Variants in NR3C1 observed in about 807,000 individuals in gnomAD.
NR3C1 encodes nuclear receptor subfamily 3 group C member 1, also known as glucocorticoid receptor.
NR3C1 carries 14 observed loss-of-function variants against 74.0 expected under a neutral mutation model. That is an observed-to-expected ratio of 0.19 (90% CI 0.12 to 0.30). The LOEUF is 0.30. Ranked by LOEUF, NR3C1 falls within the 10% of genes least tolerant of loss-of-function variation. The pLI is 1.00. For synonymous variants in NR3C1, 308 were observed against 332.5 expected, an observed-to-expected ratio of 0.93 and a Z score of 0.80; for missense variants, 695 against 909.8, an observed-to-expected ratio of 0.76 and a Z score of 3.04.
In NR3C1 at chr5:143,279,371, A is replaced by AATCT. The variant is rs781165916; in HGVS notation, c.*2517_*2518insAGAT. On this transcript the variant is annotated 3_prime_UTR_variant, in exon 9 of 9. Coordinates refer to ENST00000394464, the MANE Select transcript of NR3C1 (RefSeq NM_000176.3). ...AGATTGTTGGGATGAAAATCAGATT[A>AATCT]ATGTGTGAGATGTGCTTTCTGGTTT... 1 of 1,551,950 alleles carries AATCT rather than the reference A, an allele frequency of 6.4e-7. No homozygotes were observed.
intron 2 of NR3C1, among the ~76,000 whole-genome samples, chr5:143,352,784 A>C (rs952213310): frequency 6.6e-6 from 1 of 152,210 alleles, no homozygotes; most frequent in Non-Finnish European, 1.5e-5. Flanking sequence ...AGTGAGTTGT[A>C]ATCTTTTTCC....
chr5:143,282,784 T>C, intron 7 of NR3C1, 59 bp from the exon 8 acceptor site: 1 of 1,565,090 alleles, frequency 6.4e-7, no homozygotes, highest in Non-Finnish European at 8.6e-7. Flanking sequence ...TTTCTTTTTT[T>C]TTTTTTTTTG....
At chr5:143,295,079 A>G (rs190896556) in intron 7 of NR3C1, 5 of 985,416 alleles carry the variant, frequency 5.1e-6, no homozygotes. Flanking sequence ...CATACATGCT[A>G]ATACTCATTA....
intron 2 of NR3C1, among the ~76,000 whole-genome samples, chr5:143,352,606 T>G (rs188239718): frequency 6.6e-6 from 1 of 152,330 alleles, no homozygotes; most frequent in African/African-American, 2.4e-5. Flanking sequence ...AAAGTGAATA[T>G]TGCAACAAAG....
chr5:143,314,287 A>G, intron 2 of NR3C1, 119 bp from the exon 3 acceptor site: 3 of 992,210 alleles, frequency 3.0e-6, no homozygotes, highest in Non-Finnish European at 4.7e-6. Context: ...TTCAAGTGCT[A>G]GCAGGCACTA....
intron 3 of NR3C1, among the ~76,000 whole-genome samples, chr5:143,310,902 C>T (rs181421924): frequency 5.9e-5 from 9 of 152,204 alleles, no homozygotes; most frequent in African/African-American, 1.7e-4. Context: ...GTGATCCACC[C>T]GCCTCGGCCT....
At chr5:143,433,297 T>C (rs1215848814) in intron 1 of NR3C1, among the ~76,000 whole-genome samples, 1 of 136,454 alleles carries the variant, frequency 7.3e-6, no homozygotes, top group Non-Finnish European at 1.6e-5. Flanking sequence ...AGAGAAGAAA[T>C]GACCATCTCT....
chr5:143,294,358 T>C (rs1420500750), intron 7 of NR3C1: 2 of 898,432 alleles, frequency 2.2e-6, no homozygotes, highest in Non-Finnish European at 2.7e-6. Flanking sequence ...TTACTTGAAA[T>C]GGCCTAAGGT....
intron 2 of NR3C1, among the ~76,000 whole-genome samples, chr5:143,364,246 A>G (rs951552130): frequency 1.3e-5 from 2 of 152,230 alleles, no homozygotes; most frequent in Non-Finnish European, 1.5e-5. Context: ...CATATTCATA[A>G]TGCTGAAAGA....
At chr5:143,401,607 T>C (rs1057155559) in intron 1 of NR3C1, among the ~76,000 whole-genome samples, 2 of 152,210 alleles carry the variant, frequency 1.3e-5, no homozygotes, top group Admixed American at 6.5e-5. Context: ...TAGTAGTTTC[T>C]CACTACGTTG....
At position 143,403,498 on chromosome 5, in the gene NR3C1, C is replaced by G; in HGVS notation, c.-301G>C. 3.0e-6 allele frequency: 3 copies of G among 985,384 alleles called. No individual in the cohort carries two copies. Among genetic ancestry groups the G allele is most frequent in the Non-Finnish European group, 3.6e-6 (3 of 829,982 alleles). 61.0% of individuals were successfully genotyped at this position (985,384 alleles called of 1,614,324 possible). A position where few individuals can be genotyped will look rare whatever the true frequency, so the allele number is the denominator to read the frequency against. ...CCGGTCCCAGCTGCTTCGGCCGCTCCGGCTGCGGCGTCTCCTTCCACCCAC... is the reference window on the plus strand; with the variant it reads ...CCGGTCCCAGCTGCTTCGGCCGCTCGGGCTGCGGCGTCTCCTTCCACCCAC... On this transcript the variant is annotated 5_prime_UTR_variant, in exon 1 of 9. Coordinates refer to ENST00000394464, the MANE Select transcript of NR3C1 (RefSeq NM_000176.3).
chr5:143,304,511 T>C (rs1819158349), intron 4 of NR3C1, among the ~76,000 whole-genome samples: 1 of 152,138 alleles, frequency 6.6e-6, no homozygotes, highest in Non-Finnish European at 1.5e-5. Flanking sequence ...TTCAACACTA[T>C]TCCTATCAAA....
chr5:143,282,391 T>C (rs910990929), intron 8 of NR3C1, among the ~76,000 whole-genome samples, 177 bp downstream of exon 8: 4 of 149,606 alleles, frequency 2.7e-5, no homozygotes, highest in Admixed American at 1.4e-4. Context: ...TATTTCATAA[T>C]TGGCCTTAGG....
chr5:143,304,192 G>A (rs1819096745), intron 4 of NR3C1, among the ~76,000 whole-genome samples: 1 of 152,116 alleles, frequency 6.6e-6, no homozygotes, highest in Admixed American at 6.5e-5. Flanking sequence ...GGCTCCTGGA[G>A]CTGATAAACA....
chr5:143,434,753 C>T lies in NR3C1; in HGVS notation c.-235G>A, dbSNP rs1189723967. 1.9e-5 allele frequency: 19 copies of T among 985,340 alleles called. No homozygotes were observed. In the Admixed American group the frequency reaches 1.1e-3, roughly 57 times the overall value. 61.0% of individuals were successfully genotyped at this position (985,340 alleles called of 1,614,324 possible). A position where few individuals can be genotyped will look rare whatever the true frequency, so the allele number is the denominator to read the frequency against. On this transcript the variant is annotated 5_prime_UTR_variant, in exon 1 of 9. Coordinates refer to the NR3C1 transcript ENST00000343796. ...CTGCACCTGCCTCTGCAGCAGTCGT[C>T]ACAGAAGCTGGCCCCTTTCCTGGGC...
intron 4 of NR3C1, among the ~76,000 whole-genome samples, chr5:143,303,527 A>G (rs1210884228): frequency 2.0e-5 from 3 of 152,134 alleles, no homozygotes; most frequent in Non-Finnish European, 4.4e-5. Flanking sequence ...TAATCCTACT[A>G]AAACTATTCT....
chr5:143,394,172 A>T (rs1032182730), intron 2 of NR3C1, among the ~76,000 whole-genome samples: 1 of 152,032 alleles, frequency 6.6e-6, no homozygotes, highest in African/African-American at 2.4e-5. Flanking sequence ...ATTTAAAAGC[A>T]CTCGAAATTA....
Position 143,399,708 on chromosome 5 carries a change from G to C in NR3C1, c.1132C>G (p.Leu378Val), listed in dbSNP as rs778741177. ...QGSGDDNLTS[L>V]GTLNFPGRTV... ...CGACCAGGGAAGTTCAGAGTCCCCA[G>C]AGAAGTCAAGTTGTCATCTCCAGAT... The change falls in exon 2 of 9, where the codon CTG (leucine) becomes GTG (valine). Residue 378 changes from leucine (L) to valine (V), a missense_variant. Leu to Val is a conservative substitution (Grantham distance 32, BLOSUM62 1). Around this residue, in one of 4 missense-constraint regions of NR3C1, gnomAD observed 497 missense variants for 489.5 expected, o/e 1.02. Transcript: ENST00000394464. 1.2e-6 allele frequency: 2 copies of C among 1,614,010 alleles called. No homozygotes were observed. The highest frequency in any genetic ancestry group is 2.2e-5 in the South Asian group (2 of 91,078).
intron 7 of NR3C1, chr5:143,294,389 T>C (rs1265293271): frequency 9.4e-6 from 8 of 853,404 alleles, no homozygotes; most frequent in Non-Finnish European, 8.5e-6. Context: ...AACTAGTTCA[T>C]AGAGCTTTTT....
Sources: gnomAD v4.1 joint callset for allele counts (sites outside exome capture counted in the v4.1 genomes callset) on GRCh38, gnomAD v4.1.1 for gene constraint, gnomAD v4.1.1 regional missense constraint, MANE v1.5 for transcripts, NCBI Gene and HGNC (gene_info 2026-07-23, HGNC 2026-07-21) for gene names.